CPA5: variants seen among roughly 807,000 people sequenced by gnomAD.
CPA5 encodes the protein testicular tissue protein Li 32.
In CPA5, 38 loss-of-function variants were observed where a neutral mutation model predicts 52.2. The observed-to-expected ratio is 0.73, with a 90% confidence interval of 0.56 to 0.95. The LOEUF (loss-of-function observed/expected upper bound fraction) is 0.95. Among genes scored for constraint, CPA5 ranks in the 40% least tolerant of loss-of-function variants. CPA5 has a pLI of 0.00. For missense variants in CPA5, 519 were observed against 566.7 expected (o/e 0.92, Z 0.86); for synonymous variants, 198 against 213.7 (o/e 0.93, Z 0.64).
downstream of CPA5, among the ~76,000 whole-genome samples, chr7:130,369,482 T>G (rs979663679): frequency 2.6e-5 from 4 of 152,234 alleles, no homozygotes; most frequent in African/African-American, 9.6e-5. Context: ...GCAGCAGGGA[T>G]AGCAGGGCTG....
chr7:130,360,277 T>C (rs1795722872), intron 6 of CPA5, among the ~76,000 whole-genome samples: 1 of 152,236 alleles, frequency 6.6e-6, no homozygotes, highest in Admixed American at 6.5e-5. Context: ...TGACCAGTCC[T>C]TGTGTTCAGT....
intron 5 of CPA5, among the ~76,000 whole-genome samples, chr7:130,357,295 G>A (rs1259361107): frequency 1.3e-5 from 2 of 152,050 alleles, no homozygotes; most frequent in African/African-American, 4.8e-5. Context: ...GGCGGGGAGG[G>A]ACACCGCTCT....
At chr7:130,368,739 C>T (rs531053529), downstream of CPA5, 30 of 833,180 alleles carry the variant, frequency 3.6e-5, no homozygotes, top group South Asian at 4.8e-4. Flanking sequence ...GCTTCGCTGC[C>T]TCTCGTGTTG....
chr7:130,369,937 A>T (rs568829725), downstream of CPA5, among the ~76,000 whole-genome samples: 8 of 152,364 alleles, frequency 5.3e-5, no homozygotes, highest in Middle Eastern at 3.4e-3. Context: ...ATGGGAGATG[A>T]TCAAAACCCC....
intron 10 of CPA5, among the ~76,000 whole-genome samples, chr7:130,366,937 G>A (rs186374647): frequency 5.9e-5 from 9 of 152,334 alleles, no homozygotes; most frequent in Admixed American, 2.6e-4. Context: ...GTATGGTGCG[G>A]CTGCAGTCCT....
chr7:130,360,026 C>T (rs1379498673), intron 6 of CPA5, among the ~76,000 whole-genome samples: 1 of 152,184 alleles, frequency 6.6e-6, no homozygotes, highest in Non-Finnish European at 1.5e-5. Flanking sequence ...CTTGACAGAG[C>T]AGGAGCGTCG....
rs1316158314 is a variant in CPA5 at position 130,367,374 on chromosome 7, A to G, written c.841A>G (p.Asn281Asp). ...GGGTGGCTTTATTTTACTTCCAGGA[A>G]ATGGTTCTAACAGCAACCCCTGCTC... ...NRNWKSGFGG[N>D]GSNSNPCSET... The change falls in exon 11 of 13, where the codon AAT (asparagine) becomes GAT (aspartate). Residue 281 changes from asparagine (N) to aspartate (D), a missense_variant and splice_region_variant. By Grantham distance (23) the Asn-to-Asp change is conservative. Coordinates refer to ENST00000474905, the MANE Select transcript of CPA5 (RefSeq NM_080385.5). 2.5e-6 allele frequency: 4 copies of G among 1,613,826 alleles called. No individual in the cohort carries two copies. The African/African-American group carries it at 5.3e-5, about 22-fold the overall frequency.
intron 6 of CPA5, 27 bp downstream of exon 6, chr7:130,359,714 C>A (rs1554406125): frequency 2.6e-6 from 4 of 1,516,456 alleles, no homozygotes; most frequent in Admixed American, 1.9e-5. Context: ...AAGCTCTGGG[C>A]TCTCTTGTGT....
chr7:130,353,417 GTCTCCA>G (rs1795296442), intron 5 of CPA5, among the ~76,000 whole-genome samples: 3 of 152,134 alleles, frequency 2.0e-5, no homozygotes, highest in African/African-American at 7.2e-5. Context: ...TCTGTGTTCT[GTCTCCA>G]GCCAGCACCT....
rs1166363449 is a variant in CPA5 at position 130,359,069 on chromosome 7, A to G, written c.334-520A>G. ...TAGGCTGTTTCCTAGAAGTGGAGTT[A>G]ATGTTGGGGGTCAGAGGAACCCTCT... On this transcript the variant is annotated intron_variant, in intron 5 of 12. Coordinates refer to ENST00000474905, the MANE Select transcript of CPA5 (RefSeq NM_080385.5). 2.6e-5 allele frequency among the ~76,000 whole-genome samples: 4 copies of G among 152,284 alleles called. No homozygotes were observed. The East Asian group carries it at 7.7e-4, about 29-fold the overall frequency.
At chr7:130,364,460 TG>T (rs1176105226) in intron 10 of CPA5, among the ~76,000 whole-genome samples, 2 of 152,232 alleles carry the variant, frequency 1.3e-5, no homozygotes, top group Non-Finnish European at 2.9e-5. Context: ...CCCAAAATGC[TG>T]GAATTACAGG....
intron 5 of CPA5, among the ~76,000 whole-genome samples, chr7:130,357,234 G>A (rs1330310124): frequency 6.6e-6 from 1 of 152,164 alleles, no homozygotes; most frequent in Non-Finnish European, 1.5e-5. Flanking sequence ...AAGCCAACTA[G>A]GCCTCGGGGA....
In CPA5 at chr7:130,359,699, C is replaced by T. The variant is rs782052904; in HGVS notation, c.432+12C>T. ...ACACCCTGGAGGAGGTAGGTCTGGCCGGGCAAGCTCTGGGCTCTCTTGTGT... is the reference window on the plus strand; with the variant it reads ...ACACCCTGGAGGAGGTAGGTCTGGCTGGGCAAGCTCTGGGCTCTCTTGTGT... On this transcript the variant is annotated intron_variant, in intron 6 of 12. Coordinates refer to ENST00000474905, the MANE Select transcript of CPA5 (RefSeq NM_080385.5). 9.6e-6 allele frequency: 15 copies of T among 1,561,480 alleles called. No individual in the cohort carries two copies. Among genetic ancestry groups the T allele is most frequent in the Admixed American group, 7.6e-5 (4 of 52,838 alleles).
At position 130,346,599 on chromosome 7, in the gene CPA5, A is replaced by C; in HGVS notation, c.114A>C (p.Thr38=). Residue 38 remains threonine, a splice_region_variant and synonymous_variant, in exon 3 of 13, where the codon ACA becomes ACC. Transcript: ENST00000474905. The stretch of plus-strand genomic sequence containing the variant: ...CAGCTTTGGGCCAAATGAATTTCAC[A>C]GGGTGAGTGGCTGCTCCACAGTGGG... ...LAAALGQMNF[T]GDQVLRVLAK... The C allele has an allele frequency of 1.2e-6, 2 of 1,612,540 alleles. No homozygotes were observed. Among genetic ancestry groups the C allele is most frequent in the South Asian group, 2.2e-5 (2 of 91,022 alleles).
intron 3 of CPA5, 146 bp from the exon 4 acceptor site, chr7:130,347,620 C>G (rs925675036): frequency 1.6e-4 from 105 of 648,214 alleles, no homozygotes; most frequent in Non-Finnish European, 6.4e-5. Flanking sequence ...GCTCAGGGCT[C>G]CTTCAGCCTC....
chr7:130,362,626 C>G (rs6955723), intron 8 of CPA5, 87 bp downstream of exon 8: 164,096 of 923,606 alleles, frequency 0.18, 17,326 homozygotes, highest in African/African-American at 0.42. Context: ...ACCTTCAGTT[C>G]AACAGTTACA....
intron 3 of CPA5, among the ~76,000 whole-genome samples, chr7:130,346,963 T>C (rs1410890045): frequency 1.3e-5 from 2 of 152,198 alleles, no homozygotes; most frequent in Non-Finnish European, 1.5e-5. Context: ...CAAGACTACA[T>C]ACCCCTACCA....
At chr7:130,368,807 G>A (rs909543680), downstream of CPA5, 15 of 570,746 alleles carry the variant, frequency 2.6e-5, no homozygotes, top group African/African-American at 1.3e-4. Flanking sequence ...TTCTCATTCC[G>A]CAGGGGAGCC....
At chr7:130,367,689 AC>A in intron 11 of CPA5, 118 bp downstream of exon 11, 1 of 1,071,342 alleles carries the variant, frequency 9.3e-7, no homozygotes, top group Non-Finnish European at 1.4e-6. Context: ...GGGCTGATTG[AC>A]CCCATGGTGC....
Sources: gnomAD v4.1 joint callset for allele counts (sites outside exome capture counted in the v4.1 genomes callset) on GRCh38, gnomAD v4.1.1 for gene constraint, MANE v1.5 for transcripts, NCBI Gene and HGNC (gene_info 2026-07-23, HGNC 2026-07-21) for gene names.